The following HSPA12A variants were observed in gnomAD, a reference collection of about 807,000 sequenced individuals.
The protein encoded by HSPA12A is heat shock 70 kDa protein 12A.
Under a neutral mutation model 69.2 loss-of-function variants are expected in HSPA12A, and 28 were observed. That is an observed-to-expected ratio of 0.40 (90% CI 0.30 to 0.55). HSPA12A has a LOEUF of 0.55. Ranked by LOEUF, HSPA12A falls within the 20% of genes least tolerant of loss-of-function variation. The pLI, the probability that HSPA12A is intolerant of heterozygous loss-of-function variation, is 0.38. For missense variants in HSPA12A, 686 were observed against 900.7 expected (o/e 0.76, Z 3.05); for synonymous variants, 345 against 370.5 (o/e 0.93, Z 0.79).
chr10:116,720,777 G>A (rs1554884304), intron 1 of HSPA12A, among the ~76,000 whole-genome samples: 1 of 152,222 alleles, frequency 6.6e-6, no homozygotes, highest in Non-Finnish European at 1.5e-5. Flanking sequence ...GGGCAGGGAG[G>A]TGTGCAGGAA....
chr10:116,742,344 GA>G, intron 1 of HSPA12A, 85 bp downstream of exon 1: 3 of 1,306,388 alleles, frequency 2.3e-6, no homozygotes, highest in Non-Finnish European at 3.0e-6. Flanking sequence ...CACGGCGCGC[GA>G]GGGGGTGCGG....
At chr10:116,702,233 G>A (rs935534215) in intron 3 of HSPA12A, among the ~76,000 whole-genome samples, 1 of 152,184 alleles carries the variant, frequency 6.6e-6, no homozygotes, top group Non-Finnish European at 1.5e-5. Flanking sequence ...AGAGAGGCCA[G>A]GGCCACCAAG....
intron 2 of HSPA12A, among the ~76,000 whole-genome samples, chr10:116,770,142 G>A (rs1175325898): frequency 1.3e-5 from 2 of 152,204 alleles, no homozygotes; most frequent in African/African-American, 4.8e-5. Context: ...TCTTATGTGA[G>A]CCCTTGTGGT....
chr10:116,708,159 C>G (rs1211950566), intron 1 of HSPA12A: 2 of 152,170 alleles, frequency 1.3e-5, no homozygotes, highest in Non-Finnish European at 2.9e-5. Context: ...CGCTACAGTG[C>G]TCTCCCTGCC....
At chr10:116,800,050 C>T (rs980639595) in intron 2 of HSPA12A, among the ~76,000 whole-genome samples, 2 of 152,148 alleles carry the variant, frequency 1.3e-5, no homozygotes, top group African/African-American at 4.8e-5. Context: ...TCCATCTCTC[C>T]TTCCTAATAC....
chr10:116,835,216 C>T, intron 1 of HSPA12A: 1 of 309,264 alleles, frequency 3.2e-6, no homozygotes, highest in Non-Finnish European at 5.9e-6. Flanking sequence ...TGTTGTGTGG[C>T]CTTGGGCAAG....
chr10:116,692,359 C>T lies in HSPA12A; in HGVS notation c.655G>A (p.Ala219Thr). Reference sequence around the variant, plus strand: ...CCTGACTCTACCCTCACCTGGTAGGCAGCTTGTCTCATGAACTGCTTGGCC... The same window carrying T: ...CCTGACTCTACCCTCACCTGGTAGGTAGCTTGTCTCATGAACTGCTTGGCC... ...QPAKQFMRQA[A>T]YQAGLASPEN... The change falls in exon 6 of 12, where the codon GCC becomes ACC. Residue 219 changes from alanine (A) to threonine (T), a missense_variant. Physicochemically the swap from Ala to Thr is moderately conservative, Grantham distance 58. Transcript: ENST00000369209. 1 of 1,613,502 alleles carries T rather than the reference C, an allele frequency of 6.2e-7. No homozygotes were observed. Among genetic ancestry groups the T allele is most frequent in the South Asian group, 1.1e-5 (1 of 91,048 alleles).
intron 2 of HSPA12A, among the ~76,000 whole-genome samples, chr10:116,753,988 C>T (rs1418251494): frequency 6.6e-6 from 1 of 152,220 alleles, no homozygotes; most frequent in African/African-American, 2.4e-5. Flanking sequence ...CCCAAGGGAG[C>T]CAGCCTCATG....
At chr10:116,720,754 C>A (rs2133023648) in intron 1 of HSPA12A, among the ~76,000 whole-genome samples, 1 of 152,366 alleles carries the variant, frequency 6.6e-6, no homozygotes, top group South Asian at 2.1e-4. Context: ...CCAGCTGCAG[C>A]TAGCCAGGTC....
At chr10:116,720,348 C>T (rs1485688498) in intron 1 of HSPA12A, among the ~76,000 whole-genome samples, 1 of 152,240 alleles carries the variant, frequency 6.6e-6, no homozygotes, top group African/African-American at 2.4e-5. Flanking sequence ...TAGCTGCGGA[C>T]TCCAGACTCT....
rs1246450362 is a variant in HSPA12A, at chr10:116,674,797, T to G, written c.2012A>C (p.Asp671Ala). The G allele has an allele frequency of 1.2e-6, 2 of 1,605,526 alleles. No individual in the cohort carries two copies. Among genetic ancestry groups the G allele is most frequent in the African/African-American group, 1.3e-5 (1 of 74,622 alleles). ...ATSKSVKVGI[D>A]FLNY ...GCGGGAGGGTTAGTAATTTAAGAAG[T>G]CGATCCCAACTTTGACACTCTTCGA... The change falls in exon 12 of 12, where the codon GAC becomes GCC. Residue 671 changes from aspartate (D) to alanine (A), a missense_variant. By Grantham distance (126) the Asp-to-Ala change is moderately radical (BLOSUM62 -2). Coordinates refer to ENST00000369209, the MANE Select transcript of HSPA12A (RefSeq NM_025015.3).
At chr10:116,826,289 A>G (rs1017416159) in intron 2 of HSPA12A, among the ~76,000 whole-genome samples, 1 of 152,226 alleles carries the variant, frequency 6.6e-6, no homozygotes, top group Admixed American at 6.5e-5. Context: ...TGACAGTCTG[A>G]GAACCCTGAT....
intron 2 of HSPA12A, among the ~76,000 whole-genome samples, chr10:116,812,312 G>T (rs926817046): frequency 2.6e-5 from 4 of 151,972 alleles, no homozygotes; most frequent in African/African-American, 9.7e-5. Flanking sequence ...AATTAGCTGG[G>T]TATGGTGGTG....
chr10:116,781,053 C>T (rs1844452164), intron 2 of HSPA12A, among the ~76,000 whole-genome samples: 2 of 152,112 alleles, frequency 1.3e-5, no homozygotes, highest in Non-Finnish European at 2.9e-5. Context: ...TCGCTTGAGG[C>T]CAGGAGTTCA....
intron 3 of HSPA12A, 59 bp from the exon 4 acceptor site, chr10:116,701,188 C>T (rs1850068994): frequency 6.5e-7 from 1 of 1,549,042 alleles, no homozygotes; most frequent in African/African-American, 1.4e-5. Flanking sequence ...ATTCAGGCAG[C>T]ACAGATTTGA....
chr10:116,821,066 C>T (rs1845402695), intron 2 of HSPA12A, among the ~76,000 whole-genome samples: 1 of 152,192 alleles, frequency 6.6e-6, no homozygotes, highest in South Asian at 2.1e-4. Flanking sequence ...TCTGTTCCAT[C>T]TCCACCTACA....
chr10:116,796,119 G>A (rs1007206064), intron 2 of HSPA12A, among the ~76,000 whole-genome samples: 1 of 135,840 alleles, frequency 7.4e-6, no homozygotes, highest in Non-Finnish European at 1.5e-5. Flanking sequence ...CTGCACTCCA[G>A]CCTGGGTGAC....
intron 2 of HSPA12A, among the ~76,000 whole-genome samples, chr10:116,799,011 G>A (rs546181171): frequency 4.6e-5 from 7 of 152,224 alleles, no homozygotes; most frequent in African/African-American, 1.7e-4. Flanking sequence ...CTGGCGAGAT[G>A]CCCAGGGCTC....
At chr10:116,800,222 A>C (rs888834481) in intron 2 of HSPA12A, among the ~76,000 whole-genome samples, 1 of 152,142 alleles carries the variant, frequency 6.6e-6, no homozygotes, top group African/African-American at 2.4e-5. Flanking sequence ...CTTAGCACCA[A>C]GTTGGCCTTA....
Sources: allele counts gnomAD v4.1 joint callset (sites outside exome capture counted in the v4.1 genomes callset), GRCh38; gene constraint gnomAD v4.1.1; transcripts MANE v1.5; gene names NCBI Gene and HGNC (gene_info 2026-07-23, HGNC 2026-07-21).